Variants in PRH1 observed in about 807,000 individuals in gnomAD.
PRH1 encodes salivary acidic proline-rich phosphoprotein 1/2.
In PRH1, 7 loss-of-function variants were observed where a neutral mutation model predicts 7.9. The observed-to-expected ratio is 0.89, with a 90% CI of 0.50 to 1.67. The LOEUF (loss-of-function observed/expected upper bound fraction) is 1.67. PRH1 is among the 40% of genes most tolerant of loss of function. The probability of loss-of-function intolerance (pLI) is 0.00; values close to 1 mark genes in which losing one functional copy is unlikely to be tolerated. For missense variants in PRH1, 109 were observed against 223.6 expected (o/e 0.49, Z 3.27); for synonymous variants, 45 against 80.8 (o/e 0.56, Z 2.38).
intron 1 of PRH1, among the ~76,000 whole-genome samples, chr12:10,995,126 T>C (rs1940152910): frequency 6.6e-6 from 1 of 152,204 alleles, no homozygotes; most frequent in Non-Finnish European, 1.5e-5. Context: ...CACCCAACTG[T>C]AGATTTTGTG....
At chr12:10,999,472 C>A (rs776678234) in intron 1 of PRH1, among the ~76,000 whole-genome samples, 1 of 152,004 alleles carries the variant, frequency 6.6e-6, no homozygotes, top group Non-Finnish European at 1.5e-5. Context: ...ATGAGCAGAG[C>A]AATTAATAAT....
chr12:11,030,770 G>A (rs758513943), intron 1 of PRH1: 15 of 1,614,196 alleles, frequency 9.3e-6, no homozygotes, highest in Middle Eastern at 1.6e-4. Context: ...CAGGGTCAGA[G>A]TGAAGGGCAC....
At chr12:11,018,261 A>C (rs867921727) in intron 1 of PRH1, among the ~76,000 whole-genome samples, 16 of 152,238 alleles carry the variant, frequency 1.1e-4, no homozygotes, top group African/African-American at 3.9e-4. Flanking sequence ...GAAAAATAAA[A>C]ATGCAAGTGC....
intron 1 of PRH1, among the ~76,000 whole-genome samples, chr12:11,149,523 CAACT>C (rs1946992225): frequency 6.6e-6 from 1 of 150,420 alleles, no homozygotes; most frequent in African/African-American, 2.5e-5. Context: ...CGCATATCTA[CAACT>C]ATCTGATCTT....
At chr12:11,037,366 C>T (rs755820857) in intron 1 of PRH1, among the ~76,000 whole-genome samples, 7 of 152,128 alleles carry the variant, frequency 4.6e-5, no homozygotes, top group Admixed American at 1.3e-4. Flanking sequence ...ATGTTTTATA[C>T]GTTAAAAAAT....
chr12:11,098,899 G>C (rs1046666027), intron 1 of PRH1, among the ~76,000 whole-genome samples: 2 of 152,106 alleles, frequency 1.3e-5, no homozygotes, highest in Admixed American at 6.5e-5. Flanking sequence ...TAAAAAATGA[G>C]TTTCCAAGAA....
intron 2 of PRH1, chr12:10,929,462 C>A: frequency 8.4e-7 from 1 of 1,196,216 alleles, no homozygotes; most frequent in Non-Finnish European, 1.2e-6. Flanking sequence ...GTTCTCATGC[C>A]AAGGATCAGA....
intron 2 of PRH1, among the ~76,000 whole-genome samples, chr12:10,923,070 C>T (rs1246379383): frequency 6.7e-6 from 1 of 150,372 alleles, no homozygotes; most frequent in African/African-American, 2.4e-5. Flanking sequence ...CCTCATGATC[C>T]ACCCGCCTCG....
chr12:11,122,626 C>G (rs1945948390), intron 1 of PRH1, among the ~76,000 whole-genome samples: 1 of 152,254 alleles, frequency 6.6e-6, no homozygotes, highest in South Asian at 2.1e-4. Flanking sequence ...TGGCAGGAAA[C>G]ATCATGTCAA....
chr12:10,891,811 A>T (rs1488695423), intron 2 of PRH1: 2 of 152,250 alleles, frequency 1.3e-5, no homozygotes, highest in Non-Finnish European at 2.9e-5. Flanking sequence ...TGTCTATCAA[A>T]AGAGAAATCT....
intron 2 of PRH1, among the ~76,000 whole-genome samples, chr12:10,893,197 C>T (rs140791002): frequency 3.9e-5 from 6 of 152,226 alleles, no homozygotes; most frequent in Non-Finnish European, 8.8e-5. Context: ...TCCTTGTCCT[C>T]GTACAGTTAT....
intron 1 of PRH1, among the ~76,000 whole-genome samples, chr12:11,002,282 A>T (rs1049306157): frequency 6.6e-6 from 1 of 152,102 alleles, no homozygotes; most frequent in African/African-American, 2.4e-5. Flanking sequence ...TATAAATGTG[A>T]CTTCAATCAT....
At chr12:11,023,809 GA>G (rs1277569916) in intron 1 of PRH1, among the ~76,000 whole-genome samples, 1 of 152,184 alleles carries the variant, frequency 6.6e-6, no homozygotes, top group Non-Finnish European at 1.5e-5. Context: ...CCAATCACCA[GA>G]GCCATCCACC....
intron 2 of PRH1, among the ~76,000 whole-genome samples, chr12:10,946,047 G>C (rs1246542917): frequency 1.3e-5 from 2 of 152,044 alleles, no homozygotes; most frequent in African/African-American, 4.8e-5. Context: ...AAACACACAG[G>C]CTCTACAATT....
At chr12:10,969,197 C>T (rs1938665333) in intron 2 of PRH1, among the ~76,000 whole-genome samples, 1 of 152,222 alleles carries the variant, frequency 6.6e-6, no homozygotes, top group African/African-American at 2.4e-5. Flanking sequence ...TCGAAAGTCA[C>T]GCCTTCAACC....
At chr12:11,108,398 C>T (rs1447497006) in intron 1 of PRH1, among the ~76,000 whole-genome samples, 2 of 151,888 alleles carry the variant, frequency 1.3e-5, no homozygotes, top group Non-Finnish European at 2.9e-5. Context: ...ATAGGAACAG[C>T]TCCAGTCTGC....
chr12:11,033,614 A>G lies in PRH1; in HGVS notation c.-126+13406T>C, dbSNP rs1178957517. On this transcript the variant is annotated intron_variant, in intron 1 of 3. Transcript: ENST00000539853. ...TCCTGTGAGGTCGATAATTAAGGCT[A>G]GAAGAAATCCTTTGGAAAGATCTGG... is the stretch of plus-strand genomic sequence containing the variant. Among the ~76,000 whole-genome samples, 8 of 152,286 alleles carry G rather than the reference A, an allele frequency of 5.3e-5. No homozygotes were observed. The South Asian group carries it at 1.7e-3, about 32-fold the overall frequency.
At chr12:11,030,511 G>C in intron 1 of PRH1, 1 of 1,614,258 alleles carries the variant, frequency 6.2e-7, no homozygotes, top group South Asian at 1.1e-5. Flanking sequence ...GGATGAATGG[G>C]TGGATTGAAG....
chr12:11,150,820 T>C (rs1435128562), intron 1 of PRH1, among the ~76,000 whole-genome samples: 4 of 152,176 alleles, frequency 2.6e-5, no homozygotes, highest in Non-Finnish European at 2.9e-5. Flanking sequence ...TAAAGTATAA[T>C]AATAATGAAA....
Sources: gnomAD v4.1 joint callset for allele counts (sites outside exome capture counted in the v4.1 genomes callset) on GRCh38, gnomAD v4.1.1 for gene constraint, MANE v1.5 for transcripts, NCBI Gene and HGNC (gene_info 2026-07-23, HGNC 2026-07-21) for gene names.